The following GALK2 variants were observed in gnomAD, a reference collection of about 807,000 sequenced individuals.
GALK2 encodes the protein galactokinase 2.
In GALK2, 36 loss-of-function variants were observed where a neutral mutation model predicts 52.4. The ratio of observed to expected loss-of-function variants is 0.69; its 90% CI spans 0.53 to 0.91. GALK2 has a LOEUF of 0.91. Ranked by LOEUF, GALK2 falls within the 40% of genes least tolerant of loss-of-function variation. The pLI is 0.00. For synonymous variants in GALK2, 176 were observed against 199.1 expected, an observed-to-expected ratio of 0.88 and a Z score of 0.98; for missense variants, 579 against 559.1, an observed-to-expected ratio of 1.04 and a Z score of -0.36.
At chr15:49,233,496 C>T (rs2090622082) in intron 3 of GALK2, among the ~76,000 whole-genome samples, 1 of 152,144 alleles carries the variant, frequency 6.6e-6, no homozygotes, top group African/African-American at 2.4e-5. Flanking sequence ...TGCAACTATC[C>T]TCCTCTTTTT....
At chr15:49,277,161 T>G (rs1172318560) in intron 5 of GALK2, among the ~76,000 whole-genome samples, 1 of 19,290 alleles carries the variant, frequency 5.2e-5, no homozygotes, top group African/African-American at 2.4e-4. Context: ...TTTTTTTTTT[T>G]TTTTTTTTTT....
chr15:49,365,373 CAT>C, intron 3 of GALK2: 1 of 1,307,898 alleles, frequency 7.6e-7, no homozygotes, highest in Non-Finnish European at 1.1e-6. Context: ...GTAGAGGAAA[CAT>C]AGTATATATA....
chr15:49,241,413 T>C (rs945443261), intron 5 of GALK2, among the ~76,000 whole-genome samples: 1 of 152,032 alleles, frequency 6.6e-6, no homozygotes, highest in Non-Finnish European at 1.5e-5. Context: ...TGAGGAGTAG[T>C]CCAGTAAGTA....
intron 1 of GALK2, among the ~76,000 whole-genome samples, chr15:49,183,615 G>A (rs571396737): frequency 8.5e-5 from 13 of 152,206 alleles, no homozygotes; most frequent in South Asian, 6.2e-4. Flanking sequence ...AGGCCAAGGC[G>A]GGCGGATCAC....
chr15:49,283,953 A>G (rs1021794308), intron 7 of GALK2, among the ~76,000 whole-genome samples: 2 of 152,136 alleles, frequency 1.3e-5, no homozygotes, highest in African/African-American at 2.4e-5. Context: ...ATATATGTGA[A>G]GCAGAATTAT....
chr15:49,239,326 G>A lies in GALK2; in HGVS notation c.463G>A (p.Gly155Ser), dbSNP rs1467046349. ...CTCCAGTGCTTTGGTCTGTTGTGCTGGCTTGGTGACGCTCACAGTGCTGGG... is the reference window on the plus strand; with the variant it reads ...CTCCAGTGCTTTGGTCTGTTGTGCTAGCTTGGTGACGCTCACAGTGCTGGG... ...SSSSALVCCA[G>S]LVTLTVLGRN... Residue 155 changes from glycine to serine, a missense_variant, in exon 5 of 10, where the codon GGC (glycine) becomes AGC (serine). Gly to Ser is a moderately conservative substitution (Grantham distance 56). Transcript: ENST00000560031. 1 of 1,614,090 alleles carries A rather than the reference G, an allele frequency of 6.2e-7. No homozygotes were observed. The highest frequency in any genetic ancestry group is 1.1e-5 in the South Asian group (1 of 91,070).
At chr15:49,271,049 C>T (rs996160551) in intron 5 of GALK2, among the ~76,000 whole-genome samples, 1 of 152,170 alleles carries the variant, frequency 6.6e-6, no homozygotes, top group Admixed American at 6.5e-5. Flanking sequence ...TTCCAGGACA[C>T]GCTTGCCAAA....
intron 8 of GALK2, among the ~76,000 whole-genome samples, chr15:49,303,756 T>C (rs1477611065): frequency 6.6e-6 from 1 of 152,166 alleles, no homozygotes; most frequent in Non-Finnish European, 1.5e-5. Flanking sequence ...TTTCTGACCC[T>C]GTAGTTCCTG....
At chr15:49,280,675 C>A (rs2032557362) in intron 5 of GALK2, among the ~76,000 whole-genome samples, 1 of 151,692 alleles carries the variant, frequency 6.6e-6, no homozygotes, top group Non-Finnish European at 1.5e-5. Flanking sequence ...GAAATAAGGG[C>A]CCGAATAAAG....
chr15:49,284,993 T>C (rs1340428371), intron 7 of GALK2, among the ~76,000 whole-genome samples: 3 of 152,190 alleles, frequency 2.0e-5, no homozygotes, highest in Non-Finnish European at 2.9e-5. Flanking sequence ...CTCCATCTAC[T>C]ATTTCTATTT....
chr15:49,282,603 A>G (rs2032857432), intron 6 of GALK2, among the ~76,000 whole-genome samples: 1 of 152,174 alleles, frequency 6.6e-6, no homozygotes, highest in East Asian at 1.9e-4. Flanking sequence ...TAAGCCAGGA[A>G]TGAATTCCTT....
At chr15:49,337,482 C>CATGTCTTCATTTGAAA (rs71120678) in intron 3 of GALK2, among the ~76,000 whole-genome samples, 2 of 141,538 alleles carry the variant, frequency 1.4e-5, no homozygotes, top group South Asian at 2.2e-4. Context: ...TGGACACTTG[C>CATGTCTTCATTTGAAA]AATGTCTGTT....
In GALK2 at chr15:49,342,569, G is replaced by A. The variant is rs571513761; in HGVS notation, c.426+22764G>A. On this transcript the variant is annotated intron_variant, in intron 3 of 3. Coordinates refer to the GALK2 transcript ENST00000558399. ...TAATATGTGAGGCTTTGGTGCTATC[G>A]TGAAGTTGTTAGCTGGTTGCTTTGT... Among the ~76,000 whole-genome samples, 9 of 152,256 alleles carry A rather than the reference G, an allele frequency of 5.9e-5. No homozygotes were observed. The South Asian group carries it at 1.5e-3, about 25-fold the overall frequency.
At chr15:49,292,857 G>A (rs1056308117) in intron 8 of GALK2, among the ~76,000 whole-genome samples, 4 of 151,940 alleles carry the variant, frequency 2.6e-5, no homozygotes, top group African/African-American at 9.7e-5. Flanking sequence ...AATGGACTAA[G>A]TTAGAGAACT....
At chr15:49,235,665 G>T in intron 3 of GALK2, 186 bp from the exon 4 acceptor site, 1 of 723,986 alleles carries the variant, frequency 1.4e-6, no homozygotes, top group Non-Finnish European at 2.5e-6. Flanking sequence ...AGTCACTAAG[G>T]CCACTGCAAC....
At chr15:49,167,590 C>T (rs573513107), upstream of GALK2, among the ~76,000 whole-genome samples, 4 of 152,320 alleles carry the variant, frequency 2.6e-5, no homozygotes, top group South Asian at 8.3e-4. Context: ...AACTCCTGAC[C>T]TCAGGTGATC....
At position 49,264,120 on chromosome 15, in the gene GALK2, T is replaced by G. The variant is rs550941175; in HGVS notation, c.505-17867T>G. ...TCCTGAATCTGAACGTTGGCCTGCC[T>G]TGCTAGATTGGGGAAGTTCTCCTGG... On this transcript the variant is annotated intron_variant, in intron 5 of 9. Transcript: ENST00000560031. 4.0e-5 allele frequency among the ~76,000 whole-genome samples: 6 copies of G among 151,860 alleles called. No homozygotes were observed. The South Asian group carries it at 8.3e-4, about 21-fold the overall frequency.
intron 5 of GALK2, among the ~76,000 whole-genome samples, chr15:49,245,815 A>G (rs2091320630): frequency 6.6e-6 from 1 of 152,216 alleles, no homozygotes; most frequent in Non-Finnish European, 1.5e-5. Context: ...ACAAAAATAC[A>G]GTAAAGCTTT....
chr15:49,335,671 A>C (rs2039582881), downstream of GALK2, among the ~76,000 whole-genome samples: 1 of 152,226 alleles, frequency 6.6e-6, no homozygotes, highest in African/African-American at 2.4e-5. Context: ...TGAAAGAAGA[A>C]AACATCACTT....
Sources: allele counts gnomAD v4.1 joint callset (sites outside exome capture counted in the v4.1 genomes callset), GRCh38; gene constraint gnomAD v4.1.1; transcripts MANE v1.5; gene names NCBI Gene and HGNC (gene_info 2026-07-23, HGNC 2026-07-21).